Variants in SPON1 observed in about 807,000 individuals in gnomAD.
SPON1 encodes spondin 1.
In SPON1, 52 loss-of-function variants were observed where a neutral mutation model predicts 111.7. That is an observed-to-expected ratio of 0.47 (90% confidence interval 0.37 to 0.59). The LOEUF is 0.59. Among genes scored for constraint, SPON1 ranks in the 20% least tolerant of loss-of-function variants. The pLI is 0.00. For synonymous variants in SPON1, 410 were observed against 395.8 expected, an observed-to-expected ratio of 1.04 and a Z score of -0.43; for missense variants, 957 against 1,068.5, an observed-to-expected ratio of 0.90 and a Z score of 1.46.
At position 13,963,144 on chromosome 11, in the gene SPON1, TA is replaced by T; in HGVS notation, c.238+4del. 1 of 1,496,350 alleles carries T rather than the reference TA, an allele frequency of 6.7e-7. No homozygotes were observed. The highest frequency in any genetic ancestry group is 8.9e-7 in the Non-Finnish European group (1 of 1,118,714). 92.7% of individuals were successfully genotyped at this position (1,496,350 alleles called of 1,614,324 possible). On this transcript the variant is annotated splice_donor_region_variant and intron_variant, in intron 1 of 15. Transcript: ENST00000576479. Reference sequence around the variant, plus strand: ...ACAAGCCGGGAACCAGCTACCGCGGTAAGTGGCCGCCCGGCGTGGCATTAGG... The same window carrying T: ...ACAAGCCGGGAACCAGCTACCGCGGTAGTGGCCGCCCGGCGTGGCATTAGG...
In SPON1 at chr11:14,259,376, A is replaced by G; in HGVS notation, c.1589A>G (p.Gln530Arg). The change falls in exon 12 of 16, where the codon CAG becomes CGG. Residue 530 changes from glutamine (Q) to arginine (R), a missense_variant. Transcript: ENST00000576479. This position sits in a 1 kb window ranked among gnomAD's most constrained non-coding sequence, Gnocchi z 5.0. Reference sequence around the variant, plus strand: ...AGGTCCCGGGAGAGGTATGTGAAGCAGTTCCCGGAGGACGGCTCCGTGTGC... The same window carrying G: ...AGGTCCCGGGAGAGGTATGTGAAGCGGTTCCCGGAGGACGGCTCCGTGTGC... ...GMRSRERYVK[Q>R]FPEDGSVCTL... 1 of 1,611,620 alleles carries G rather than the reference A, an allele frequency of 6.2e-7. No individual in the cohort carries two copies. The highest frequency in any genetic ancestry group is 1.1e-5 in the South Asian group (1 of 90,440).
At chr11:14,175,922 A>G (rs1724969581) in intron 6 of SPON1, among the ~76,000 whole-genome samples, 2 of 152,342 alleles carry the variant, frequency 1.3e-5, no homozygotes, top group South Asian at 4.1e-4. Context: ...TTTCCGTTCC[A>G]GCAAAACACA....
At chr11:13,968,457 C>G (rs1554908272) in intron 1 of SPON1, among the ~76,000 whole-genome samples, 1 of 152,142 alleles carries the variant, frequency 6.6e-6, no homozygotes, top group East Asian at 1.9e-4. Context: ...ATAAAATACA[C>G]AATGACTGTT....
chr11:14,220,485 G>C (rs192012719), intron 6 of SPON1, among the ~76,000 whole-genome samples: 1 of 152,138 alleles, frequency 6.6e-6, no homozygotes, highest in Non-Finnish European at 1.5e-5. Context: ...GCAATCCTTT[G>C]AAGTGGTTTT....
intron 5 of SPON1, among the ~76,000 whole-genome samples, chr11:14,121,407 A>G (rs1847388220): frequency 1.3e-5 from 2 of 152,228 alleles, no homozygotes; most frequent in Admixed American, 6.5e-5. Context: ...GAGGGGAACA[A>G]ACATCAGTTT....
At chr11:14,152,854 G>A (rs1257611473) in intron 6 of SPON1, among the ~76,000 whole-genome samples, 1 of 152,128 alleles carries the variant, frequency 6.6e-6, no homozygotes, top group Admixed American at 6.6e-5. Flanking sequence ...TTTGAGATGG[G>A]GGTTTCCTCT....
At chr11:14,093,943 T>C (rs943236246) in intron 5 of SPON1, among the ~76,000 whole-genome samples, 1 of 152,144 alleles carries the variant, frequency 6.6e-6, no homozygotes, top group African/African-American at 2.4e-5. Context: ...CCAGGCATGG[T>C]GGTCACGCCT....
intron 2 of SPON1, among the ~76,000 whole-genome samples, chr11:14,005,704 T>C (rs926615067): frequency 7.3e-6 from 1 of 137,138 alleles, no homozygotes; most frequent in Non-Finnish European, 1.6e-5. Context: ...ATTAGAGTCC[T>C]TGGCACATAG....
At chr11:14,205,395 TG>T (rs112164605) in intron 6 of SPON1, among the ~76,000 whole-genome samples, 106 of 152,320 alleles carry the variant, frequency 7.0e-4, no homozygotes, top group African/African-American at 2.4e-3. Flanking sequence ...GATGGATGGA[TG>T]CTTAGCTATT....
At chr11:14,231,815 A>T (rs1848806731) in intron 6 of SPON1, among the ~76,000 whole-genome samples, 1 of 152,134 alleles carries the variant, frequency 6.6e-6, no homozygotes, top group South Asian at 2.1e-4. Context: ...TAAAAAAAAA[A>T]GATTCAAAAG....
intron 6 of SPON1, among the ~76,000 whole-genome samples, chr11:14,220,037 A>G (rs1339719156): frequency 6.7e-6 from 1 of 149,680 alleles, no homozygotes; most frequent in East Asian, 2.0e-4. Flanking sequence ...CGGTGAGCCG[A>G]GATTGTACCA....
intron 6 of SPON1, among the ~76,000 whole-genome samples, chr11:14,207,838 C>CCCATTCAGCCCAGA (rs1848532110): frequency 6.6e-6 from 1 of 152,078 alleles, no homozygotes; most frequent in Non-Finnish European, 1.5e-5. Context: ...TTCAGCCCAG[C>CCCATTCAGCCCAGA]AATCCCATTA....
intron 6 of SPON1, among the ~76,000 whole-genome samples, chr11:14,181,670 A>T (rs1489316519): frequency 1.3e-5 from 2 of 152,220 alleles, no homozygotes; most frequent in African/African-American, 4.8e-5. Context: ...ACCTGACCCC[A>T]GTTCACTGGG....
chr11:14,124,203 C>T (rs1327076303), intron 5 of SPON1, among the ~76,000 whole-genome samples: 3 of 152,166 alleles, frequency 2.0e-5, no homozygotes, highest in Non-Finnish European at 4.4e-5. Context: ...CACACACACA[C>T]GCACACACTA....
intron 2 of SPON1, among the ~76,000 whole-genome samples, chr11:13,996,793 C>T (rs919515192): frequency 1.1e-4 from 16 of 151,552 alleles, no homozygotes; most frequent in Non-Finnish European, 2.4e-4. Flanking sequence ...GGTTTTATAT[C>T]CTGTTTTATT....
chr11:14,074,086 G>T (rs1036346778), intron 3 of SPON1, among the ~76,000 whole-genome samples: 2 of 152,188 alleles, frequency 1.3e-5, no homozygotes, highest in Admixed American at 6.5e-5. Flanking sequence ...TGGCTTTGGG[G>T]TGAAGACTGT....
At chr11:14,208,911 C>A (rs1848544174) in intron 6 of SPON1, among the ~76,000 whole-genome samples, 1 of 152,058 alleles carries the variant, frequency 6.6e-6, no homozygotes, top group Admixed American at 6.6e-5. Flanking sequence ...ACTAGTCTTC[C>A]CCAATTGAAG....
chr11:14,105,079 T>G (rs1280469439), intron 5 of SPON1, among the ~76,000 whole-genome samples: 1 of 152,178 alleles, frequency 6.6e-6, no homozygotes, highest in African/African-American at 2.4e-5. Context: ...TTAGTGGATC[T>G]TAAATAGGGC....
chr11:14,085,871 G>A (rs1228163612), intron 5 of SPON1, among the ~76,000 whole-genome samples: 2 of 152,130 alleles, frequency 1.3e-5, no homozygotes, highest in African/African-American at 4.8e-5. Context: ...CATGTCCCTT[G>A]TAAGTTGTAT....
Sources: allele counts gnomAD v4.1 joint callset (sites outside exome capture counted in the v4.1 genomes callset), GRCh38; gene constraint gnomAD v4.1.1; non-coding constraint Gnocchi (gnomAD v3.1); transcripts MANE v1.5; gene names NCBI Gene and HGNC (gene_info 2026-07-23, HGNC 2026-07-21).